PRKG2: variants seen among roughly 807,000 people sequenced by gnomAD.
The protein encoded by PRKG2 is protein kinase cGMP-dependent 2, also known as cGMP-dependent protein kinase 2.
A neutral mutation model predicts 97.2 loss-of-function variants in PRKG2; 33 were observed. The ratio of observed to expected loss-of-function variants is 0.34; its 90% CI spans 0.26 to 0.45. The LOEUF is 0.45. Ranked by LOEUF, PRKG2 falls within the 20% of genes least tolerant of loss-of-function variation. The pLI, the probability that PRKG2 is intolerant of heterozygous loss-of-function variation, is 1.00. For missense variants in PRKG2, 638 were observed against 900.0 expected, an observed-to-expected ratio of 0.71 and a Z score of 3.73; for synonymous variants, 330 against 321.8, an observed-to-expected ratio of 1.03 and a Z score of -0.27.
At chr4:81,180,102 C>T (rs1303515566) in intron 2 of PRKG2, among the ~76,000 whole-genome samples, 1 of 151,990 alleles carries the variant, frequency 6.6e-6, no homozygotes, top group African/African-American at 2.4e-5. Context: ...CATTGCACTC[C>T]AGCCTGGGCA....
chr4:81,216,990 T>C (rs1396184279), upstream of PRKG2, among the ~76,000 whole-genome samples: 5 of 147,426 alleles, frequency 3.4e-5, no homozygotes, highest in Non-Finnish European at 7.4e-5. Flanking sequence ...GTACACAGTG[T>C]ATGTGTGTGT....
intron 14 of PRKG2, among the ~76,000 whole-genome samples, chr4:81,113,774 T>A (rs1744218474): frequency 6.6e-6 from 1 of 152,138 alleles, no homozygotes; most frequent in Non-Finnish European, 1.5e-5. Flanking sequence ...TATGTGGCAT[T>A]TTTAGTGTAC....
intron 6 of PRKG2, among the ~76,000 whole-genome samples, chr4:81,164,342 TACA>T (rs1453629948): frequency 6.6e-6 from 1 of 152,100 alleles, no homozygotes; most frequent in Non-Finnish European, 1.5e-5. Flanking sequence ...GTGAACTTTG[TACA>T]ACACCTGGCT....
intron 1 of PRKG2, among the ~76,000 whole-genome samples, chr4:81,209,121 A>G (rs907262707): frequency 6.6e-6 from 1 of 152,186 alleles, no homozygotes; most frequent in Non-Finnish European, 1.5e-5. Context: ...ACAAATTATT[A>G]TATTAATGTA....
intron 18 of PRKG2, among the ~76,000 whole-genome samples, chr4:81,091,380 T>C (rs899313230): frequency 5.9e-5 from 9 of 152,072 alleles, no homozygotes; most frequent in Non-Finnish European, 1.3e-4. Flanking sequence ...CCTCCTGAGT[T>C]CACGCCATTC....
chr4:81,161,472 C>G (rs750735041), intron 6 of PRKG2, among the ~76,000 whole-genome samples: 4 of 152,128 alleles, frequency 2.6e-5, no homozygotes, highest in Non-Finnish European at 4.4e-5. Flanking sequence ...CAGTGTTGCT[C>G]AATTAGGTTT....
chr4:81,197,380 G>C (rs1456048549), intron 2 of PRKG2, among the ~76,000 whole-genome samples: 1 of 152,206 alleles, frequency 6.6e-6, no homozygotes, highest in Non-Finnish European at 1.5e-5. Flanking sequence ...TTAAAAGCCA[G>C]CACTGCTCAA....
At chr4:81,177,199 A>G (rs1445658763) in intron 2 of PRKG2, among the ~76,000 whole-genome samples, 3 of 152,146 alleles carry the variant, frequency 2.0e-5, no homozygotes, top group Non-Finnish European at 4.4e-5. Flanking sequence ...TTCCTAGAGT[A>G]CTTATATTCA....
intron 5 of PRKG2, 61 bp downstream of exon 5, chr4:81,169,602 C>G: frequency 6.7e-6 from 8 of 1,192,988 alleles, no homozygotes; most frequent in East Asian, 2.4e-5. Context: ...CTGATAAAAC[C>G]AATATATTCA....
intron 16 of PRKG2, among the ~76,000 whole-genome samples, chr4:81,105,332 C>T (rs999336812): frequency 2.6e-5 from 4 of 152,224 alleles, no homozygotes; most frequent in Non-Finnish European, 1.5e-5. Context: ...TCTACATTTC[C>T]GTTTTCTATC....
chr4:81,169,515 T>C, intron 5 of PRKG2, 148 bp downstream of exon 5: 1 of 632,940 alleles, frequency 1.6e-6, no homozygotes, highest in Non-Finnish European at 2.7e-6. Flanking sequence ...GTACTGGCAT[T>C]TACTGCAAGC....
Position 81,089,612 on chromosome 4 carries a change from G to A in PRKG2, c.*96C>T. ...TTCTTTTCCCTAATGGTCTTCCAAA[G>A]ATATTATAATACTCTGAAAAGAAAA... On this transcript the variant is annotated 3_prime_UTR_variant, in exon 19 of 19. Transcript: ENST00000264399. The A allele has an allele frequency of 1.1e-6, 1 of 917,556 alleles. No homozygotes were observed. 56.8% of individuals were successfully genotyped at this position (917,556 alleles called of 1,614,324 possible). A position where few individuals can be genotyped will look rare whatever the true frequency, so the allele number is the denominator to read the frequency against.
intron 1 of PRKG2, among the ~76,000 whole-genome samples, chr4:81,208,063 G>A (rs1753774286): frequency 6.6e-6 from 1 of 152,186 alleles, no homozygotes; most frequent in African/African-American, 2.4e-5. Flanking sequence ...TAAGAAATGA[G>A]TCTGGAGATA....
chr4:81,174,787 A>T lies in PRKG2; in HGVS notation c.628+6T>A. The T allele has an allele frequency of 6.3e-7, 1 of 1,597,506 alleles. No homozygotes were observed. The highest frequency in any genetic ancestry group is 1.7e-4 in the Middle Eastern group (1 of 5,970). The stretch of plus-strand genomic sequence containing the variant: ...TTATATATCTGGAAAAATCTGTGAA[A>T]CCCACCTGCCAGCACAAAGATATGG... On this transcript the variant is annotated splice_donor_region_variant and intron_variant, in intron 3 of 18. Transcript: ENST00000264399.
intron 2 of PRKG2, among the ~76,000 whole-genome samples, chr4:81,195,014 T>G (rs1051102307): frequency 2.6e-5 from 4 of 152,226 alleles, no homozygotes; most frequent in African/African-American, 9.6e-5. Flanking sequence ...GACCCAGGCA[T>G]CAGTACTTCT....
In PRKG2 at chr4:81,107,294, G is replaced by A. The variant is rs192056490; in HGVS notation, c.1941-1359C>T. ...GGTTAAGGCTCAAAGTGTGACTTGC[G>A]GAGTCATCAGACAGTATTTATGGCT... On this transcript the variant is annotated intron_variant, in intron 15 of 18. Transcript: ENST00000264399. 1.2e-4 allele frequency among the ~76,000 whole-genome samples: 18 copies of A among 152,160 alleles called. No homozygotes were observed. The East Asian group carries it at 3.1e-3, about 26-fold the overall frequency.
intron 3 of PRKG2, among the ~76,000 whole-genome samples, chr4:81,172,581 T>C (rs1750580025): frequency 6.6e-6 from 1 of 152,210 alleles, no homozygotes; most frequent in African/African-American, 2.4e-5. Context: ...TTGCATCCCC[T>C]TCACTATTTT....
chr4:81,088,844 A>G lies in PRKG2; in HGVS notation c.*864T>C, dbSNP rs575251358. The G allele has an allele frequency of 6.6e-6, 1 of 152,340 alleles. No individual in the cohort carries two copies. Among genetic ancestry groups the G allele is most frequent in the East Asian group, 1.9e-4 (1 of 5,196 alleles). The allele number at this position is 152,340 out of a possible 1,614,324, so 9.4% of individuals were successfully genotyped here. A position where few individuals can be genotyped will look rare whatever the true frequency, so the allele number is the denominator to read the frequency against. ...CAAAGAGTCAGCAGTCTTACCTACT[A>G]GAATATATTTTCCTTTCTATTTACT... On this transcript the variant is annotated 3_prime_UTR_variant, in exon 19 of 19. Transcript: ENST00000264399.
rs539064074 is a variant in PRKG2, at chr4:81,124,684, T to G, written c.1776+10471A>C. Among the ~76,000 whole-genome samples, 6 of 152,268 alleles carry G rather than the reference T, an allele frequency of 3.9e-5. No individual in the cohort carries two copies. The East Asian group carries it at 1.2e-3, about 29-fold the overall frequency. ...GTCACCTTGGATTCGGTTCCTCTAGTCTAATGGGTCTCTGAGCCTCCAGGT... is the reference window on the plus strand; with the variant it reads ...GTCACCTTGGATTCGGTTCCTCTAGGCTAATGGGTCTCTGAGCCTCCAGGT... On this transcript the variant is annotated intron_variant, in intron 14 of 18. Coordinates refer to ENST00000264399, the MANE Select transcript of PRKG2 (RefSeq NM_006259.3).
Sources: allele counts gnomAD v4.1 joint callset (sites outside exome capture counted in the v4.1 genomes callset), GRCh38; gene constraint gnomAD v4.1.1; transcripts MANE v1.5; gene names NCBI Gene and HGNC (gene_info 2026-07-23, HGNC 2026-07-21).